Variants in FAM234A observed in about 807,000 individuals in gnomAD.
FAM234A encodes family with sequence similarity 234 member A, also known as protein FAM234A.
In FAM234A, 42 loss-of-function variants were observed where a neutral mutation model predicts 49.1. The ratio of observed to expected loss-of-function variants is 0.86; its 90% CI spans 0.67 to 1.11. The LOEUF (loss-of-function observed/expected upper bound fraction) is 1.11. FAM234A is among the 50% of genes least tolerant of loss of function. The pLI is 0.00. For synonymous variants in FAM234A, 369 were observed against 316.2 expected, an observed-to-expected ratio of 1.17 and a Z score of -1.77; for missense variants, 815 against 745.2, an observed-to-expected ratio of 1.09 and a Z score of -1.09.
intron 1 of FAM234A, among the ~76,000 whole-genome samples, chr16:247,762 C>G (rs2050866028): frequency 6.6e-6 from 1 of 152,058 alleles, no homozygotes; most frequent in Non-Finnish European, 1.5e-5. Context: ...CAGTTTCTCA[C>G]AAACTCTTTT....
At chr16:263,804 C>T (rs756403226) in intron 10 of FAM234A, 29 bp downstream of exon 10, 46 of 1,578,144 alleles carry the variant, frequency 2.9e-5, no homozygotes, top group African/African-American at 1.6e-4. Context: ...GGAGGTGGCA[C>T]CTTTGTTCTT....
At chr16:242,864 A>G (rs1299198879) in intron 1 of FAM234A, among the ~76,000 whole-genome samples, 4 of 151,774 alleles carry the variant, frequency 2.6e-5, no homozygotes, top group South Asian at 2.1e-4. Context: ...CACCCACCTC[A>G]GCCTCCCAAA....
At chr16:235,090 T>G (rs2050352488) in intron 1 of FAM234A, among the ~76,000 whole-genome samples, 1 of 152,226 alleles carries the variant, frequency 6.6e-6, no homozygotes, top group Non-Finnish European at 1.5e-5. Flanking sequence ...GCTGATTCTT[T>G]CGGGTTTCCC....
chr16:252,553 G>GT (rs373146792), intron 2 of FAM234A, among the ~76,000 whole-genome samples: 2 of 152,182 alleles, frequency 1.3e-5, no homozygotes, highest in East Asian at 3.9e-4. Context: ...GTAGTTCTGT[G>GT]TTTAACTTTT....
At chr16:268,562 C>CAGG, downstream of FAM234A, 1 of 597,580 alleles carries the variant, frequency 1.7e-6, no homozygotes. Flanking sequence ...GGCAAGGATC[C>CAGG]ACCCTATGGA....
chr16:261,959 A>G, intron 6 of FAM234A, 134 bp from the exon 7 acceptor site: 5 of 1,250,972 alleles, frequency 4.0e-6, no homozygotes, highest in Non-Finnish European at 5.6e-6. Flanking sequence ...CCCCGCCCCC[A>G]GGCTCACGTC....
downstream of FAM234A, chr16:268,960 C>T: frequency 6.5e-7 from 1 of 1,548,480 alleles, no homozygotes; most frequent in Non-Finnish European, 8.7e-7. Flanking sequence ...GACTGAAGAC[C>T]AGAGAAGGTG....
chr16:268,076 GCGTA>G (rs1361968957), downstream of FAM234A, among the ~76,000 whole-genome samples: 1 of 133,348 alleles, frequency 7.5e-6, no homozygotes, highest in African/African-American at 3.0e-5. Context: ...CACATGCTAT[GCGTA>G]CACACACTTG....
At chr16:238,605 A>G (rs2050486895) in intron 1 of FAM234A, among the ~76,000 whole-genome samples, 1 of 151,136 alleles carries the variant, frequency 6.6e-6, no homozygotes, top group Non-Finnish European at 1.5e-5. Context: ...TCTCTACTAA[A>G]AATACAAAAA....
intron 1 of FAM234A, among the ~76,000 whole-genome samples, chr16:245,327 A>C (rs2050767633): frequency 6.6e-6 from 1 of 152,188 alleles, no homozygotes; most frequent in East Asian, 1.9e-4. Flanking sequence ...CCTGGGCCAC[A>C]GAGTGAGACC....
chr16:267,030 G>A (rs988599256), downstream of FAM234A, among the ~76,000 whole-genome samples: 9 of 152,112 alleles, frequency 5.9e-5, no homozygotes, highest in Non-Finnish European at 1.3e-4. Context: ...GGGCCAAGGG[G>A]TGCCATTGCT....
chr16:264,737 G>A, intron 12 of FAM234A, 21 bp downstream of exon 12: 1 of 1,609,006 alleles, frequency 6.2e-7, no homozygotes, highest in Non-Finnish European at 8.5e-7. Context: ...CCTCGGCCAG[G>A]GACCCGGGTG....
At chr16:239,731 C>G (rs1223430864) in intron 1 of FAM234A, among the ~76,000 whole-genome samples, 1 of 152,082 alleles carries the variant, frequency 6.6e-6, no homozygotes, top group African/African-American at 2.4e-5. Flanking sequence ...AAAACTTATT[C>G]TGTGTAATAG....
chr16:263,575 G>A (rs1021802266), intron 9 of FAM234A, 125 bp from the exon 10 acceptor site: 9 of 1,267,132 alleles, frequency 7.1e-6, no homozygotes, highest in African/African-American at 1.5e-5. Flanking sequence ...CGTCGGCTCC[G>A]TGTCCTGGGC....
intron 6 of FAM234A, 46 bp downstream of exon 6, chr16:261,560 C>T (rs918321316): frequency 6.5e-7 from 1 of 1,534,570 alleles, no homozygotes; most frequent in African/African-American, 1.4e-5. Context: ...GGCCACCTGC[C>T]ACACGGCCCT....
chr16:261,992 CATTG>C, intron 6 of FAM234A, 97 bp from the exon 7 acceptor site: 1 of 923,118 alleles, frequency 1.1e-6, no homozygotes, highest in Non-Finnish European at 1.4e-6. Flanking sequence ...GGCCTTGTGT[CATTG>C]CAGCCCCAGG....
chr16:244,186 T>C (rs1336551012), intron 1 of FAM234A, among the ~76,000 whole-genome samples: 2 of 152,144 alleles, frequency 1.3e-5, no homozygotes, highest in Non-Finnish European at 2.9e-5. Context: ...GCTAGGATGG[T>C]CTCGATCTCC....
rs775954301 is a variant in FAM234A at position 248,907 on chromosome 16, C to T, written c.-139-642C>T. Among the ~76,000 whole-genome samples the T allele has an allele frequency of 7.2e-5, 11 of 151,962 alleles. 1 individual carries two copies. The highest frequency in any genetic ancestry group is 1.3e-4 in the Admixed American group (2 of 15,248). ...AAGTGCTGGGATTACAGGTGTGAGG[C>T]AGTGCACCTGGCCCTTTTAAATGTT... is the stretch of plus-strand genomic sequence containing the variant. On this transcript the variant is annotated intron_variant, in intron 1 of 12. Transcript: ENST00000399932.
chr16:259,876 G>A, intron 4 of FAM234A, 93 bp from the exon 5 acceptor site: 2 of 1,173,488 alleles, frequency 1.7e-6, no homozygotes, highest in Non-Finnish European at 1.2e-6. Context: ...GGAGAGGTGT[G>A]AGGAAAACAG....
Sources: gnomAD v4.1 joint callset for allele counts (sites outside exome capture counted in the v4.1 genomes callset) on GRCh38, gnomAD v4.1.1 for gene constraint, MANE v1.5 for transcripts, NCBI Gene and HGNC (gene_info 2026-07-23, HGNC 2026-07-21) for gene names.